CD209: variants seen among roughly 807,000 people sequenced by gnomAD.
The protein encoded by CD209 is CD209 molecule, also known as CD209 antigen.
CD209 carries 31 observed loss-of-function variants against 44.7 expected under a neutral mutation model. That is an observed-to-expected ratio of 0.69 (90% CI 0.52 to 0.94). The LOEUF (loss-of-function observed/expected upper bound fraction) is 0.94, where lower values mean the gene tolerates loss of function less well. Ranked by LOEUF, CD209 falls within the 40% of genes least tolerant of loss-of-function variation. The probability of loss-of-function intolerance (pLI) is 0.00; values close to 1 mark genes in which losing one functional copy is unlikely to be tolerated. For missense variants in CD209, 407 were observed against 452.4 expected, an observed-to-expected ratio of 0.90 and a Z score of 0.91; for synonymous variants, 173 against 181.3, an observed-to-expected ratio of 0.95 and a Z score of 0.37.
chr19:7,741,601 G>A lies in CD209; in HGVS notation c.*1438C>T. 1.2e-6 allele frequency: 1 copy of A among 864,448 alleles called. No individual in the cohort carries two copies. The highest frequency in any genetic ancestry group is 1.9e-6 in the Non-Finnish European group (1 of 529,172). 53.5% of individuals were successfully genotyped at this position (864,448 alleles called of 1,614,324 possible). A position where few individuals can be genotyped will look rare whatever the true frequency, so the allele number is the denominator to read the frequency against. ...AAGTATATATGTTCAGTACCAGTCG[G>A]AAGAAGAATGCCAAGCAGCTCTTTC... On this transcript the variant is annotated 3_prime_UTR_variant, in exon 7 of 7. Coordinates refer to ENST00000315599, the MANE Select transcript of CD209 (RefSeq NM_021155.4).
rs771595634 is a variant in CD209, at chr19:7,743,052, G to T, written c.1202C>A (p.Pro401His). ...GGTGAAGTTCTGCTACGCAGGAGGG[G>T]GGTTTGGGGTGGCAGGGGCTGGAGA... ...FLSPAPATPN[P>H]PPA is the part of the protein sequence containing the mutation. The change falls in exon 7 of 7, where the codon CCC becomes CAC. Residue 401 changes from proline to histidine, a missense_variant. Physicochemically the swap from Pro to His is moderately conservative, Grantham distance 77 (BLOSUM62 -2). Around this residue, in one of 3 missense-constraint regions of CD209, gnomAD observed 200 missense variants for 202.2 expected, o/e 0.99. Transcript: ENST00000315599. 3.1e-6 allele frequency: 5 copies of T among 1,613,046 alleles called. No homozygotes were observed. Among genetic ancestry groups the T allele is most frequent in the Non-Finnish European group, 4.2e-6 (5 of 1,179,256 alleles).
Position 7,743,174 on chromosome 19 carries a change from A to G in CD209, c.1080T>C (p.Ser360=). The change falls in exon 7 of 7, where the codon AGT becomes AGC. Residue 360 remains serine (S), a synonymous_variant. Transcript: ENST00000315599. ...NVGEEDCAEF[S]GNGWNDDKCN... ...ATTTGTCGTCGTTCCAGCCATTGCC[A>G]CTAAATTCCGCGCAGTCTTCCTCCC... 3 of 1,614,150 alleles carry G rather than the reference A, an allele frequency of 1.9e-6. No homozygotes were observed. Among genetic ancestry groups the G allele is most frequent in the Non-Finnish European group, 2.5e-6 (3 of 1,180,016 alleles).
In CD209 at chr19:7,741,769, G is replaced by A; in HGVS notation, c.*1270C>T. On this transcript the variant is annotated 3_prime_UTR_variant, in exon 7 of 7. Coordinates refer to ENST00000315599, the MANE Select transcript of CD209 (RefSeq NM_021155.4). ...GAAAACACTGCAACTTTCTTCAGGT[G>A]TTGAGAAATCCAATAGAGACCTCTG... The A allele has an allele frequency of 1.8e-6, 1 of 546,722 alleles. No homozygotes were observed. 33.9% of individuals were successfully genotyped at this position (546,722 alleles called of 1,614,324 possible).
At chr19:7,747,388 A>T (rs2033876883) in intron 1 of CD209, 23 bp from the exon 2 acceptor site, 28 of 1,614,228 alleles carry the variant, frequency 1.7e-5, no homozygotes, top group Non-Finnish European at 2.4e-5. Context: ...ACGTGAAATC[A>T]GAGCCTGGGC....
At chr19:7,747,392 C>A in intron 1 of CD209, 27 bp from the exon 2 acceptor site, 1 of 1,614,222 alleles carries the variant, frequency 6.2e-7, no homozygotes, top group Non-Finnish European at 8.5e-7. Flanking sequence ...GAAATCAGAG[C>A]CTGGGCAGGC....
At chr19:7,745,119 G>C in intron 4 of CD209, 27 bp from the exon 5 acceptor site, 1 of 1,613,650 alleles carries the variant, frequency 6.2e-7, no homozygotes, top group Non-Finnish European at 8.5e-7. Flanking sequence ...GTCAGGGCTG[G>C]GCTTAGATTA....
Position 7,740,949 on chromosome 19 carries a change from T to A in CD209, c.*2090A>T. On this transcript the variant is annotated 3_prime_UTR_variant, in exon 7 of 7. Coordinates refer to ENST00000315599, the MANE Select transcript of CD209 (RefSeq NM_021155.4). ...TCAGAGTCATGGAGAAGGATGGAGT[T>A]AATTGTCCCTTCTACAGTAAAACAG... The A allele has an allele frequency of 1.4e-6, 1 of 716,236 alleles. No homozygotes were observed. Among genetic ancestry groups the A allele is most frequent in the Non-Finnish European group, 2.5e-6 (1 of 392,510 alleles). 44.4% of individuals were successfully genotyped at this position (716,236 alleles called of 1,614,324 possible). A position where few individuals can be genotyped will look rare whatever the true frequency, so the allele number is the denominator to read the frequency against.
In CD209 at chr19:7,740,445, G is replaced by T. The variant is rs759755366; in HGVS notation, c.*2594C>A. The T allele has an allele frequency of 7.1e-5, 51 of 722,714 alleles. No individual in the cohort carries two copies. The highest frequency in any genetic ancestry group is 1.2e-4 in the Non-Finnish European group (46 of 395,414). The allele number at this position is 722,714 out of a possible 1,614,324, so 44.8% of individuals were successfully genotyped here. ...AAGGATACAACTAGAGGGGCGGGGC[G>T]GTGCCGGCAAGATGGCTGCGCCCGA... On this transcript the variant is annotated 3_prime_UTR_variant, in exon 7 of 7. Coordinates refer to ENST00000315599, the MANE Select transcript of CD209 (RefSeq NM_021155.4).
chr19:7,741,690 C>T lies in CD209; in HGVS notation c.*1349G>A, dbSNP rs1307119335. ...CTTCAGTGTGAATTCTGCCCAGTGG[C>T]TCGGTGGAAAATGATGATTTGTGGT... is the stretch of plus-strand genomic sequence containing the variant. On this transcript the variant is annotated 3_prime_UTR_variant, in exon 7 of 7. Coordinates refer to ENST00000315599, the MANE Select transcript of CD209 (RefSeq NM_021155.4). 6.8e-6 allele frequency: 5 copies of T among 738,556 alleles called. No homozygotes were observed. The highest frequency in any genetic ancestry group is 5.7e-5 in the Admixed American group (3 of 52,500). The allele number at this position is 738,556 out of a possible 1,614,324, so 45.8% of individuals were successfully genotyped here.
chr19:7,746,562 G>A (rs1159113581), intron 2 of CD209, 31 bp from the exon 3 acceptor site: 1 of 1,609,342 alleles, frequency 6.2e-7, no homozygotes, highest in Non-Finnish European at 8.5e-7. Context: ...CAGCCTGCCA[G>A]TGTCCCCACC....
chr19:7,743,303 C>T (rs2033678100), intron 6 of CD209, 63 bp from the exon 7 acceptor site: 1 of 1,400,126 alleles, frequency 7.1e-7, no homozygotes, highest in Non-Finnish European at 1.0e-6. Context: ...GTGTTTCTAC[C>T]TTCTGTCATC....
rs758578326 is a variant in CD209, at chr19:7,747,305, C to A, written c.106+1G>T. 1.2e-6 allele frequency: 2 copies of A among 1,614,250 alleles called. No individual in the cohort carries two copies. The highest frequency in any genetic ancestry group is 1.7e-6 in the Non-Finnish European group (2 of 1,180,036). On this transcript the variant is annotated splice_donor_variant, in intron 2 of 6. Transcript: ENST00000315599. LOFTEE classifies it high-confidence loss of function. The stretch of plus-strand genomic sequence containing the variant: ...CTCCCAAACTGCTAAGTCCTCTCTA[C>A]CTGCTAAGCTCTTGTATCCTCGAGT...
chr19:7,747,408 C>T (rs772715069), intron 1 of CD209, 43 bp from the exon 2 acceptor site: 6 of 1,614,130 alleles, frequency 3.7e-6, no homozygotes, highest in Non-Finnish European at 1.7e-6. Context: ...CAGGCTGAGG[C>T]CATGGCTGGC....
chr19:7,744,115 C>T lies in CD209; in HGVS notation c.1005G>A (p.Leu335=), dbSNP rs747689588. Residue 335 remains leucine, a synonymous_variant, in exon 6 of 7, where the codon CTG becomes CTA. Transcript: ENST00000315599. ...GTWQWVDGSP[L]LPSFKQYWNR... ...CCCCTTCTGAGATCTACCTGGGCAA[C>T]AGAGGTGAGCCGTCCACCCATTGCC... is the stretch of plus-strand genomic sequence containing the variant. 1 of 1,613,108 alleles carries T rather than the reference C, an allele frequency of 6.2e-7. No individual in the cohort carries two copies. The highest frequency in any genetic ancestry group is 8.5e-7 in the Non-Finnish European group (1 of 1,179,022).
At position 7,742,051 on chromosome 19, in the gene CD209, C is replaced by T. The variant is rs2033633167; in HGVS notation, c.*988G>A. The T allele has an allele frequency of 3.4e-6, 1 of 292,608 alleles. No individual in the cohort carries two copies. Among genetic ancestry groups the T allele is most frequent in the Non-Finnish European group, 7.0e-6 (1 of 142,414 alleles). The allele number at this position is 292,608 out of a possible 1,614,324, so 18.1% of individuals were successfully genotyped here. ...GCAGTGAGAACGGCCGGAGCCGTCA[C>T]AGCCGGAGCCAAAGCTCCTCTAGAT... is the stretch of plus-strand genomic sequence containing the variant. On this transcript the variant is annotated 3_prime_UTR_variant, in exon 7 of 7. Transcript: ENST00000315599.
At position 7,744,995 on chromosome 19, in the gene CD209, G is replaced by A. The variant is rs781204704; in HGVS notation, c.846C>T (p.Thr282=). The A allele has an allele frequency of 2.0e-5, 32 of 1,614,072 alleles. No individual in the cohort carries two copies. The highest frequency in any genetic ancestry group is 3.3e-5 in the Admixed American group (2 of 60,000). Residue 282 remains threonine (T), a synonymous_variant, in exon 5 of 7, where the codon ACC becomes ACT. Coordinates refer to ENST00000315599, the MANE Select transcript of CD209 (RefSeq NM_021155.4). ...NSQRNWHDSI[T]ACKEVGAQLV... ...GCTGGGCCCCCACTTCTTTGCAGGC[G>A]GTGATGGAGTCGTGCCAGTTCCGCT...
rs1433613015 is a variant in CD209, at chr19:7,744,844, C to A, written c.900+97G>T. Reference sequence around the variant, plus strand: ...TCTCCTCCCTTCTTTCCAAGTGGAGCAAAACCCCTCTTCTGCAAAGTCATC... The same window carrying A: ...TCTCCTCCCTTCTTTCCAAGTGGAGAAAAACCCCTCTTCTGCAAAGTCATC... On this transcript the variant is annotated intron_variant, in intron 5 of 6. Coordinates refer to ENST00000315599, the MANE Select transcript of CD209 (RefSeq NM_021155.4). 6 of 1,517,896 alleles carry A rather than the reference C, an allele frequency of 4.0e-6. No individual in the cohort carries two copies. In the African/African-American group the frequency reaches 4.1e-5, roughly 10 times the overall value. 94.0% of individuals were successfully genotyped at this position (1,517,896 alleles called of 1,614,324 possible).
intron 6 of CD209, 130 bp downstream of exon 6, chr19:7,743,977 T>C (rs1475436424): frequency 1.4e-6 from 1 of 736,002 alleles, no homozygotes; most frequent in Non-Finnish European, 2.3e-6. Context: ...ACCACCTTCC[T>C]CAACTCAGTA....
Position 7,745,109 on chromosome 19 carries a change from G to T in CD209, c.749-17C>A, listed in dbSNP as rs780378461. ...ACAGGCGTTCTGTTGGGGGAGGCTGGTCAGGGCTGGGCTTAGATTAGGTTG... is the reference window on the plus strand; with the variant it reads ...ACAGGCGTTCTGTTGGGGGAGGCTGTTCAGGGCTGGGCTTAGATTAGGTTG... On this transcript the variant is annotated splice_polypyrimidine_tract_variant and intron_variant, in intron 4 of 6. Coordinates refer to ENST00000315599, the MANE Select transcript of CD209 (RefSeq NM_021155.4). 3.7e-6 allele frequency: 6 copies of T among 1,614,058 alleles called. No homozygotes were observed. The South Asian group carries it at 5.5e-5, about 15-fold the overall frequency.
Sources: gnomAD v4.1 joint callset for allele counts on GRCh38, gnomAD v4.1.1 for gene constraint, gnomAD v4.1.1 regional missense constraint, MANE v1.5 for transcripts, NCBI Gene and HGNC (gene_info 2026-07-23, HGNC 2026-07-21) for gene names.